EPHA6: variants seen among roughly 807,000 people sequenced by gnomAD.
EPHA6 encodes the protein EPH receptor A6.
Under a neutral mutation model 112.0 loss-of-function variants are expected in EPHA6, and 50 were observed. The ratio of observed to expected loss-of-function variants is 0.45; its 90% CI spans 0.36 to 0.56. The LOEUF (loss-of-function observed/expected upper bound fraction) is 0.56, where lower values mean the gene tolerates loss of function less well. EPHA6 is among the 20% of genes least tolerant of loss of function. The pLI, the probability that EPHA6 is intolerant of heterozygous loss-of-function variation, is 0.00. For synonymous variants in EPHA6, 529 were observed against 490.7 expected (o/e 1.08, Z -1.03); for missense variants, 1,280 against 1,417.4 (o/e 0.90, Z 1.56).
At chr3:97,743,399 T>C (rs1173198482) in intron 16 of EPHA6, among the ~76,000 whole-genome samples, 2 of 152,120 alleles carry the variant, frequency 1.3e-5, no homozygotes, top group African/African-American at 4.8e-5. Context: ...TTTAAAAAAA[T>C]CTGTCTTATG....
At chr3:97,546,901 G>T (rs1276101859) in intron 11 of EPHA6, among the ~76,000 whole-genome samples, 1 of 152,140 alleles carries the variant, frequency 6.6e-6, no homozygotes, top group Non-Finnish European at 1.5e-5. Flanking sequence ...CTCATGCCTT[G>T]GTTTTCAGCT....
chr3:97,311,971 C>A (rs112033376), intron 5 of EPHA6, among the ~76,000 whole-genome samples: 1,804 of 151,750 alleles, frequency 0.012, 23 homozygotes, highest in Non-Finnish European at 0.017. Context: ...TAGTTCATTT[C>A]TCCACATACT....
intron 1 of EPHA6, among the ~76,000 whole-genome samples, chr3:96,864,168 G>A (rs2036170865): frequency 6.6e-6 from 1 of 152,028 alleles, no homozygotes; most frequent in South Asian, 2.1e-4. Context: ...CAGATGGATA[G>A]TTTATTTAAA....
At position 97,596,875 on chromosome 3, in the gene EPHA6, AATATATATATATAT is replaced by A. The variant is rs62670860; in HGVS notation, c.2512+4155_2512+4168del. 2.7e-3 allele frequency among the ~76,000 whole-genome samples: 274 copies of A among 100,376 alleles called. 8 individuals are homozygous for A. Among genetic ancestry groups the A allele is most frequent in the African/African-American group, 0.014 (249 of 17,504 alleles). The allele number at this position is 100,376 out of a possible 152,430, so 65.9% of individuals were successfully genotyped here. A position where few individuals can be genotyped will look rare whatever the true frequency, so the allele number is the denominator to read the frequency against. On this transcript the variant is annotated intron_variant, in intron 12 of 17. Coordinates refer to ENST00000389672, the MANE Select transcript of EPHA6 (RefSeq NM_001080448.3). ...GCAACAATTCCATATATATCTATGG[AATATATATATATAT>A]ATATATATATATATATGTATGTATA...
At chr3:97,129,520 A>AC (rs2048279199) in intron 3 of EPHA6, among the ~76,000 whole-genome samples, 1 of 149,970 alleles carries the variant, frequency 6.7e-6, no homozygotes, top group African/African-American at 2.4e-5. Context: ...AAAACAAACA[A>AC]AAAAAAAAAC....
rs1021499361 is a variant in EPHA6, at chr3:96,962,601, TAGTC to T, written c.451-24722_451-24719del. The stretch of plus-strand genomic sequence containing the variant: ...TCCATTTTCAAAAGAATTGAGAATT[TAGTC>T]AGTCAGAAAATTTGCACTGTCCCTT... On this transcript the variant is annotated intron_variant, in intron 2 of 17. Transcript: ENST00000389672. Among the ~76,000 whole-genome samples, 16 of 150,884 alleles carry T rather than the reference TAGTC, an allele frequency of 1.1e-4. 1 individual carries two copies. In the South Asian group the frequency reaches 2.5e-3, roughly 24 times the overall value.
chr3:96,914,406 T>C (rs2039386139), intron 2 of EPHA6, among the ~76,000 whole-genome samples: 1 of 152,164 alleles, frequency 6.6e-6, no homozygotes, highest in Non-Finnish European at 1.5e-5. Flanking sequence ...TTGTTAAAAA[T>C]ACCATTCCTT....
rs1056243731 is a variant in EPHA6 at position 97,447,882 on chromosome 3, A to T, written c.1732-686A>T. ...GTTTCCAGTGCTTCTTCATGGGCAG[A>T]TTATTTTTAAATCTACTTCACAGTC... On this transcript the variant is annotated intron_variant, in intron 6 of 17. Transcript: ENST00000389672. The T allele has an allele frequency of 1.8e-5, 12 of 680,992 alleles. No homozygotes were observed. The East Asian group carries it at 8.5e-4, about 48-fold the overall frequency. 42.2% of individuals were successfully genotyped at this position (680,992 alleles called of 1,614,324 possible). A position where few individuals can be genotyped will look rare whatever the true frequency, so the allele number is the denominator to read the frequency against.
chr3:97,331,799 C>A (rs974688676), intron 5 of EPHA6, among the ~76,000 whole-genome samples: 1 of 151,876 alleles, frequency 6.6e-6, no homozygotes, highest in Admixed American at 6.6e-5. Context: ...GATTCACAGC[C>A]GAATTCACAG....
chr3:97,206,089 C>T (rs563209173), intron 3 of EPHA6, among the ~76,000 whole-genome samples: 9 of 152,064 alleles, frequency 5.9e-5, no homozygotes, highest in East Asian at 1.9e-4. Context: ...ATGTCTAAGC[C>T]GCACTTAAAG....
At chr3:96,935,562 T>C (rs1445650644) in intron 2 of EPHA6, among the ~76,000 whole-genome samples, 2 of 149,756 alleles carry the variant, frequency 1.3e-5, no homozygotes, top group African/African-American at 4.9e-5. Context: ...AAATATAATA[T>C]ATAAAGATAG....
chr3:97,671,209 A>G (rs1360426170), intron 14 of EPHA6, among the ~76,000 whole-genome samples: 1 of 152,142 alleles, frequency 6.6e-6, no homozygotes, highest in Non-Finnish European at 1.5e-5. Context: ...CATAAATAAC[A>G]TTGGCTCAGA....
At chr3:97,332,535 A>C (rs1374279258) in intron 5 of EPHA6, among the ~76,000 whole-genome samples, 2 of 152,134 alleles carry the variant, frequency 1.3e-5, no homozygotes, top group Non-Finnish European at 2.9e-5. Flanking sequence ...AAATCTCCTT[A>C]AGCTGATAGG....
At chr3:97,720,515 G>A (rs2107794986) in intron 15 of EPHA6, 105 bp downstream of exon 15, 1 of 1,025,424 alleles carries the variant, frequency 9.8e-7, no homozygotes, top group East Asian at 2.8e-5. Flanking sequence ...TTATCTTCCT[G>A]AGAACTTCTC....
chr3:97,440,436 T>C (rs985788806), intron 6 of EPHA6, among the ~76,000 whole-genome samples: 8 of 151,866 alleles, frequency 5.3e-5, no homozygotes, highest in African/African-American at 1.9e-4. Flanking sequence ...ACTAATTATT[T>C]TTAAACACTT....
intron 3 of EPHA6, among the ~76,000 whole-genome samples, chr3:97,030,369 A>G (rs533779308): frequency 6.6e-6 from 1 of 152,082 alleles, no homozygotes; most frequent in Non-Finnish European, 1.5e-5. Context: ...TTTGGAGGAC[A>G]TGAGGTACAC....
chr3:97,739,079 ATGCTCATAAAACTGTGACAC>A (rs1464581656), intron 16 of EPHA6, among the ~76,000 whole-genome samples: 2 of 152,096 alleles, frequency 1.3e-5, no homozygotes, highest in Non-Finnish European at 2.9e-5. Flanking sequence ...TGCCTGTTTT[ATGCTCATAAAACTGTGACAC>A]TGCTTCTCTA....
At chr3:97,199,006 G>A (rs1169547685) in intron 3 of EPHA6, among the ~76,000 whole-genome samples, 1 of 152,020 alleles carries the variant, frequency 6.6e-6, no homozygotes, top group Admixed American at 6.6e-5. Context: ...AAATTAGTTT[G>A]GTTAATTGCA....
chr3:96,862,908 A>G (rs1216177300), intron 1 of EPHA6, among the ~76,000 whole-genome samples: 1 of 151,968 alleles, frequency 6.6e-6, no homozygotes, highest in Non-Finnish European at 1.5e-5. Context: ...GCATGAATAA[A>G]GGCAACTCTA....
Sources: allele counts gnomAD v4.1 joint callset (sites outside exome capture counted in the v4.1 genomes callset), GRCh38; gene constraint gnomAD v4.1.1; transcripts MANE v1.5; gene names NCBI Gene and HGNC (gene_info 2026-07-23, HGNC 2026-07-21).